Variants in DPY19L3 observed in about 807,000 individuals in gnomAD.
DPY19L3 encodes the protein protein C-mannosyl-transferase DPY19L3.
DPY19L3 carries 51 observed loss-of-function variants against 92.3 expected under a neutral mutation model. The ratio of observed to expected loss-of-function variants is 0.55; its 90% CI spans 0.44 to 0.70. The LOEUF (loss-of-function observed/expected upper bound fraction) is 0.70, where lower values mean the gene tolerates loss of function less well. Among genes scored for constraint, DPY19L3 ranks in the 30% least tolerant of loss-of-function variants. DPY19L3 has a pLI of 0.00. For missense variants in DPY19L3, 706 were observed against 855.9 expected, an observed-to-expected ratio of 0.82 and a Z score of 2.18; for synonymous variants, 309 against 315.2, an observed-to-expected ratio of 0.98 and a Z score of 0.21.
At chr19:32,416,018 G>T (rs914685697) in intron 3 of DPY19L3, among the ~76,000 whole-genome samples, 2 of 152,192 alleles carry the variant, frequency 1.3e-5, no homozygotes, top group African/African-American at 2.4e-5. Flanking sequence ...GAAACAGCAA[G>T]CCAAAAGTCT....
chr19:32,444,176 T>TAA (rs148094587), intron 8 of DPY19L3, among the ~76,000 whole-genome samples: 6 of 150,572 alleles, frequency 4.0e-5, no homozygotes, highest in African/African-American at 1.2e-4. Context: ...GCAGCCATCA[T>TAA]AAAAAAAAAG....
At chr19:32,429,115 G>A (rs1968874065) in intron 3 of DPY19L3, among the ~76,000 whole-genome samples, 1 of 152,178 alleles carries the variant, frequency 6.6e-6, no homozygotes, top group African/African-American at 2.4e-5. Context: ...CCAAAGTGCT[G>A]GGATTACAGG....
chr19:32,434,740 C>T (rs1969082533), intron 4 of DPY19L3, among the ~76,000 whole-genome samples: 1 of 152,220 alleles, frequency 6.6e-6, no homozygotes, highest in Non-Finnish European at 1.5e-5. Context: ...TCTCACAATT[C>T]AGGAGGCTGG....
Position 32,482,381 on chromosome 19 carries a change from G to C in DPY19L3, c.*141G>C. 1 of 946,008 alleles carries C rather than the reference G, an allele frequency of 1.1e-6. No homozygotes were observed. Among genetic ancestry groups the C allele is most frequent in the Non-Finnish European group, 1.6e-6 (1 of 644,108 alleles). The allele number at this position is 946,008 out of a possible 1,614,324, so 58.6% of individuals were successfully genotyped here. ...GTAAGTTCTACAGATGTTTACACAA[G>C]TGTTGCCATCTTTGAAAGCATCTTC... On this transcript the variant is annotated 3_prime_UTR_variant, in exon 19 of 19. Transcript: ENST00000392250.
At chr19:32,460,238 G>A (rs188757761) in intron 12 of DPY19L3, among the ~76,000 whole-genome samples, 19 of 151,282 alleles carry the variant, frequency 1.3e-4, no homozygotes, top group South Asian at 2.1e-4. Context: ...GCATCTCTAC[G>A]GAAAAAAAAA....
chr19:32,418,494 T>C (rs1210332514), intron 3 of DPY19L3, among the ~76,000 whole-genome samples: 2 of 152,252 alleles, frequency 1.3e-5, no homozygotes. Flanking sequence ...TAAATTTTTT[T>C]TTAATTAATC....
chr19:32,472,421 G>A (rs529925507), intron 16 of DPY19L3, among the ~76,000 whole-genome samples: 4 of 152,120 alleles, frequency 2.6e-5, no homozygotes, highest in Middle Eastern at 3.4e-3. Context: ...TGCTCTCCAC[G>A]CTACACCGAT....
At chr19:32,471,452 T>A (rs2145620681) in intron 16 of DPY19L3, among the ~76,000 whole-genome samples, 1 of 152,310 alleles carries the variant, frequency 6.6e-6, no homozygotes, top group Admixed American at 6.5e-5. Context: ...TTGGGATGAA[T>A]CACAACTAGA....
intron 3 of DPY19L3, among the ~76,000 whole-genome samples, chr19:32,421,419 C>T (rs921952869): frequency 3.3e-5 from 5 of 152,138 alleles, no homozygotes; most frequent in African/African-American, 9.7e-5. Context: ...GTGGGCACAT[C>T]ACTTGAGTCC....
At chr19:32,477,991 G>A (rs920031349) in intron 17 of DPY19L3, among the ~76,000 whole-genome samples, 9 of 152,302 alleles carry the variant, frequency 5.9e-5, no homozygotes, top group African/African-American at 2.2e-4. Context: ...CAGATCTCAT[G>A]AGATGTATTC....
At chr19:32,472,245 A>G (rs1469274317) in intron 16 of DPY19L3, among the ~76,000 whole-genome samples, 1 of 152,218 alleles carries the variant, frequency 6.6e-6, no homozygotes, top group Non-Finnish European at 1.5e-5. Flanking sequence ...GTATGAAACC[A>G]ACAGTGTTTA....
chr19:32,429,654 C>G (rs957503898), intron 3 of DPY19L3, among the ~76,000 whole-genome samples: 1 of 152,266 alleles, frequency 6.6e-6, no homozygotes, highest in Middle Eastern at 3.4e-3. Context: ...CCATATAATT[C>G]ACTCTTTCAT....
intron 18 of DPY19L3, 53 bp from the exon 19 acceptor site, chr19:32,482,026 T>G (rs1450524793): frequency 2.6e-5 from 41 of 1,590,960 alleles, no homozygotes; most frequent in Non-Finnish European, 3.4e-5. Context: ...CCTACTGTCT[T>G]TTGTAAATAG....
chr19:32,449,623 A>T (rs1303268953), intron 8 of DPY19L3, among the ~76,000 whole-genome samples: 1 of 152,200 alleles, frequency 6.6e-6, no homozygotes, highest in Non-Finnish European at 1.5e-5. Context: ...CTGCACAAGA[A>T]ATGGTCAATT....
In DPY19L3 at chr19:32,463,425, C is replaced by T; in HGVS notation, c.1382C>T (p.Pro461Leu). Reference sequence around the variant, plus strand: ...GAAAAAGGCACAGTTGACCTGAAACCAGAAACTGCCTACAACTTAATACAT... The same window carrying T: ...GAAAAAGGCACAGTTGACCTGAAACTAGAAACTGCCTACAACTTAATACAT... ...KMEKGTVDLK[P>L]ETAYNLIHTI... Residue 461 changes from proline to leucine, a missense_variant, in exon 13 of 19, where the codon CCA (proline) becomes CTA (leucine). Transcript: ENST00000392250. 1.2e-6 allele frequency: 2 copies of T among 1,613,774 alleles called. No individual in the cohort carries two copies. Among genetic ancestry groups the T allele is most frequent in the Non-Finnish European group, 1.7e-6 (2 of 1,179,802 alleles).
chr19:32,483,263 A>G lies in DPY19L3; in HGVS notation c.*1023A>G, dbSNP rs1020273465. The G allele has an allele frequency of 7.2e-5, 11 of 152,562 alleles. No homozygotes were observed. The highest frequency in any genetic ancestry group is 7.3e-5 in the Non-Finnish European group (5 of 68,028). The allele number at this position is 152,562 out of a possible 1,614,324, so 9.5% of individuals were successfully genotyped here. Reference sequence around the variant, plus strand: ...TACCAAGTTTGACTTGTGGTCTCCAATCTTACTGGGAAGGCCCTGGTAGTG... The same window carrying G: ...TACCAAGTTTGACTTGTGGTCTCCAGTCTTACTGGGAAGGCCCTGGTAGTG... On this transcript the variant is annotated 3_prime_UTR_variant, in exon 19 of 19. Coordinates refer to ENST00000392250, the MANE Select transcript of DPY19L3 (RefSeq NM_001172774.2).
chr19:32,440,936 G>T (rs1472537820), intron 8 of DPY19L3, among the ~76,000 whole-genome samples: 2 of 152,036 alleles, frequency 1.3e-5, no homozygotes, highest in Non-Finnish European at 2.9e-5. Context: ...TGTCAGGGGT[G>T]GGGGCAGAAT....
intron 8 of DPY19L3, among the ~76,000 whole-genome samples, chr19:32,440,160 A>G (rs1256224362): frequency 6.6e-6 from 1 of 152,248 alleles, no homozygotes; most frequent in Non-Finnish European, 1.5e-5. Context: ...GCCTAGGTCA[A>G]TTGTTATTTA....
At chr19:32,469,830 C>G (rs754725155) in intron 16 of DPY19L3, among the ~76,000 whole-genome samples, 1 of 152,202 alleles carries the variant, frequency 6.6e-6, no homozygotes, top group African/African-American at 2.4e-5. Flanking sequence ...CTTTTCTACC[C>G]AGAGCACCAT....
Sources: gnomAD v4.1 joint callset for allele counts (sites outside exome capture counted in the v4.1 genomes callset) on GRCh38, gnomAD v4.1.1 for gene constraint, MANE v1.5 for transcripts, NCBI Gene and HGNC (gene_info 2026-07-23, HGNC 2026-07-21) for gene names.